GRXCR2: variants seen among roughly 807,000 people sequenced by gnomAD.
GRXCR2 encodes glutaredoxin and cysteine rich domain containing 2.
In GRXCR2, 23 loss-of-function variants were observed where a neutral mutation model predicts 24.8. That is an observed-to-expected ratio of 0.93 (90% CI 0.67 to 1.32). The LOEUF (loss-of-function observed/expected upper bound fraction) is 1.32. Among genes scored for constraint, GRXCR2 ranks in the 40% most tolerant of loss-of-function variants. The pLI is 0.00. For missense variants in GRXCR2, 315 were observed against 303.4 expected (o/e 1.04, Z -0.28); for synonymous variants, 130 against 116.1 (o/e 1.12, Z -0.77).
intron 2 of GRXCR2, among the ~76,000 whole-genome samples, chr5:145,899,891 AC>A (rs903212766): frequency 8.7e-4 from 132 of 152,246 alleles, no homozygotes; most frequent in African/African-American, 3.1e-3. Flanking sequence ...TGCAACAAAA[AC>A]AAAAACTGAT....
chr5:145,894,305 G>C (rs1470789541), intron 2 of GRXCR2, among the ~76,000 whole-genome samples: 2 of 151,972 alleles, frequency 1.3e-5, no homozygotes, highest in African/African-American at 4.8e-5. Flanking sequence ...GAAGGAAATA[G>C]AGACACAAAA....
intron 2 of GRXCR2, among the ~76,000 whole-genome samples, chr5:145,897,186 G>C (rs1157375248): frequency 6.6e-6 from 1 of 150,646 alleles, no homozygotes; most frequent in Admixed American, 6.6e-5. Context: ...TAAATGATGA[G>C]TTAATGGGTG....
At chr5:145,861,893 T>A (rs1413504687) in intron 2 of GRXCR2, among the ~76,000 whole-genome samples, 2 of 152,164 alleles carry the variant, frequency 1.3e-5, no homozygotes, top group African/African-American at 4.8e-5. Context: ...GATACTAAAT[T>A]TTATTTATTC....
At position 145,911,616 on chromosome 5, in the gene GRXCR2, G is replaced by A. The variant is rs548651690; in HGVS notation, c.-70+24085C>T. Among the ~76,000 whole-genome samples, 14 of 152,314 alleles carry A rather than the reference G, an allele frequency of 9.2e-5. No individual in the cohort carries two copies. The East Asian group carries it at 2.5e-3, about 27-fold the overall frequency. On this transcript the variant is annotated intron_variant, in intron 2 of 3. Coordinates refer to the GRXCR2 transcript ENST00000639411. ...TTCACACTTCCTTTGGGTCCACTGAGCAGGTGGAACTCAGATATTGGTCAA... is the reference window on the plus strand; with the variant it reads ...TTCACACTTCCTTTGGGTCCACTGAACAGGTGGAACTCAGATATTGGTCAA...
intron 2 of GRXCR2, among the ~76,000 whole-genome samples, chr5:145,901,586 C>G (rs1005297409): frequency 1.3e-5 from 2 of 151,908 alleles, no homozygotes; most frequent in Non-Finnish European, 2.9e-5. Flanking sequence ...ATCATAAAAA[C>G]AGAGCAGGGT....
chr5:145,914,127 C>T (rs890547806), intron 2 of GRXCR2, among the ~76,000 whole-genome samples: 12 of 152,118 alleles, frequency 7.9e-5, no homozygotes, highest in African/African-American at 1.2e-4. Context: ...TGGGATGGGA[C>T]GGCTGGCCAC....
chr5:145,907,710 C>T (rs913549723), intron 2 of GRXCR2, among the ~76,000 whole-genome samples: 19 of 151,934 alleles, frequency 1.3e-4, no homozygotes, highest in African/African-American at 4.4e-4. Context: ...GAATCCGACA[C>T]GGGGTCCTGG....
At chr5:145,887,489 T>A (rs943852838) in intron 2 of GRXCR2, among the ~76,000 whole-genome samples, 7 of 152,224 alleles carry the variant, frequency 4.6e-5, no homozygotes, top group African/African-American at 1.7e-4. Context: ...GTACTCAAAA[T>A]GAATGAACAC....
At chr5:145,926,061 C>T (rs550542080) in intron 2 of GRXCR2, among the ~76,000 whole-genome samples, 32 of 151,948 alleles carry the variant, frequency 2.1e-4, no homozygotes, top group Non-Finnish European at 3.8e-4. Flanking sequence ...AAGGTTGCAT[C>T]CTGCTCCTGG....
At chr5:145,888,895 C>T (rs888580953) in intron 2 of GRXCR2, among the ~76,000 whole-genome samples, 4 of 151,928 alleles carry the variant, frequency 2.6e-5, no homozygotes, top group African/African-American at 7.3e-5. Context: ...CACAATGGGC[C>T]GGGTGCAGTG....
At chr5:145,866,863 C>A in intron 1 of GRXCR2, 135 bp from the exon 2 acceptor site, 1 of 630,292 alleles carries the variant, frequency 1.6e-6, no homozygotes, top group South Asian at 2.0e-5. Flanking sequence ...CATCAGACCC[C>A]AAAGTCACAG....
chr5:145,904,592 C>T (rs1341340102), intron 2 of GRXCR2, among the ~76,000 whole-genome samples: 4 of 152,208 alleles, frequency 2.6e-5, no homozygotes, highest in Admixed American at 6.5e-5. Flanking sequence ...TCTTCCCCTG[C>T]TCCGTGTGGT....
At chr5:145,915,233 T>C (rs1257217359) in intron 2 of GRXCR2, among the ~76,000 whole-genome samples, 1 of 152,158 alleles carries the variant, frequency 6.6e-6, no homozygotes, top group East Asian at 1.9e-4. Context: ...CCATGTCCTA[T>C]TAGGCCATTC....
chr5:145,878,894 A>G (rs531410969), intron 2 of GRXCR2, among the ~76,000 whole-genome samples: 30 of 152,350 alleles, frequency 2.0e-4, no homozygotes, highest in African/African-American at 6.5e-4. Context: ...GCCAATATTC[A>G]ACATTCTTAA....
intron 1 of GRXCR2, among the ~76,000 whole-genome samples, chr5:145,870,946 C>A (rs1452643069): frequency 6.6e-6 from 1 of 152,090 alleles, no homozygotes; most frequent in Non-Finnish European, 1.5e-5. Context: ...TTTATAAATT[C>A]TATAGTCCTA....
intron 2 of GRXCR2, among the ~76,000 whole-genome samples, chr5:145,912,886 T>A (rs1368433866): frequency 6.6e-6 from 1 of 152,134 alleles, no homozygotes; most frequent in African/African-American, 2.4e-5. Flanking sequence ...CTGGTATAGG[T>A]TTTGGATTTA....
chr5:145,915,556 G>A (rs1390362964), intron 2 of GRXCR2, among the ~76,000 whole-genome samples: 1 of 152,056 alleles, frequency 6.6e-6, no homozygotes, highest in Non-Finnish European at 1.5e-5. Context: ...AGGCCGAGGT[G>A]GGTGGATCAC....
At chr5:145,893,114 C>A (rs1296596722) in intron 2 of GRXCR2, among the ~76,000 whole-genome samples, 11 of 152,238 alleles carry the variant, frequency 7.2e-5, no homozygotes, top group African/African-American at 2.6e-4. Context: ...GCCTGCCTTA[C>A]AAGAGCTCCT....
At chr5:145,910,969 G>A (rs1193733719) in intron 2 of GRXCR2, among the ~76,000 whole-genome samples, 2 of 151,420 alleles carry the variant, frequency 1.3e-5, no homozygotes, top group African/African-American at 4.9e-5. Context: ...TCACTCCCAT[G>A]TTATGAGGCA....
Sources: gnomAD v4.1 joint callset for allele counts (sites outside exome capture counted in the v4.1 genomes callset) on GRCh38, gnomAD v4.1.1 for gene constraint, MANE v1.5 for transcripts, NCBI Gene and HGNC (gene_info 2026-07-23, HGNC 2026-07-21) for gene names.